The following GBF1 variants were observed in gnomAD, a reference collection of about 807,000 sequenced individuals.
GBF1 encodes Golgi-specific brefeldin A-resistance guanine nucleotide exchange factor 1.
Under a neutral mutation model 210.5 loss-of-function variants are expected in GBF1, and 114 were observed. The ratio of observed to expected loss-of-function variants is 0.54; its 90% confidence interval spans 0.47 to 0.63. The LOEUF (loss-of-function observed/expected upper bound fraction) is 0.63, where lower values mean the gene tolerates loss of function less well. GBF1 is among the 30% of genes least tolerant of loss of function. The pLI is 0.00. For missense variants in GBF1, 1,851 were observed against 2,357.7 expected, an observed-to-expected ratio of 0.79 and a Z score of 4.45; for synonymous variants, 850 against 889.2, an observed-to-expected ratio of 0.96 and a Z score of 0.78.
At chr10:102,303,037 G>A (rs1417795895) in intron 3 of GBF1, among the ~76,000 whole-genome samples, 3 of 148,980 alleles carry the variant, frequency 2.0e-5, no homozygotes, top group African/African-American at 5.0e-5. Flanking sequence ...GCCCAGGCTG[G>A]AGTGCAGTGG....
chr10:102,369,470 T>G (rs759908233), intron 24 of GBF1, 83 bp downstream of exon 24: 1 of 1,163,216 alleles, frequency 8.6e-7, no homozygotes, highest in Non-Finnish European at 1.3e-6. Flanking sequence ...AAGTAAGTGG[T>G]TGAGAGTAAT....
chr10:102,260,463 A>C (rs184116965), intron 3 of GBF1, among the ~76,000 whole-genome samples: 5 of 66,502 alleles, frequency 7.5e-5, no homozygotes, highest in South Asian at 3.9e-4. Flanking sequence ...CCTGGCCTAT[A>C]TTTTCCTTTC....
chr10:102,323,336 G>A (rs749275236), intron 3 of GBF1, among the ~76,000 whole-genome samples: 7 of 151,292 alleles, frequency 4.6e-5, no homozygotes, highest in Non-Finnish European at 7.4e-5. Context: ...TCTGCATTCC[G>A]TATGTCAAAG....
chr10:102,230,824 G>A, the GBF1 span: 1 of 1,574,340 alleles, frequency 6.4e-7, no homozygotes, highest in South Asian at 1.2e-5. Flanking sequence ...CGCGGCGGAG[G>A]GCACCATGGA....
At position 102,381,197 on chromosome 10, in the gene GBF1, C is replaced by A. The variant is rs1333807393; in HGVS notation, c.5244C>A (p.Asp1748Glu). The A allele has an allele frequency of 6.2e-7, 1 of 1,613,964 alleles. No individual in the cohort carries two copies. Among genetic ancestry groups the A allele is most frequent in the Non-Finnish European group, 8.5e-7 (1 of 1,179,932 alleles). The change falls in exon 39 of 40, where the codon GAC (aspartate) becomes GAA (glutamate). Residue 1748 changes from aspartate (D) to glutamate (E), a missense_variant. Around this residue, in one of 3 missense-constraint regions of GBF1, gnomAD observed 967 missense variants for 1,247.7 expected, o/e 0.78. Coordinates refer to ENST00000369983, the MANE Select transcript of GBF1 (RefSeq NM_001377137.1). ...CCCACCTGACTTCCGCTGCTGGCGA[C>A]ACTAGGACACCTGGCCATCCACCGC... ...ASAHLTSAAG[D>E]TRTPGHPPPP...
intron 29 of GBF1, among the ~76,000 whole-genome samples, chr10:102,373,280 A>C (rs369754267): frequency 1.4e-4 from 22 of 152,346 alleles, no homozygotes; most frequent in African/African-American, 5.3e-4. Context: ...TAACCATCAG[A>C]GTACTGCAAA....
chr10:102,359,405 G>A lies in GBF1; in HGVS notation c.1150G>A (p.Val384Met), dbSNP rs375568604. 9.9e-6 allele frequency: 16 copies of A among 1,613,684 alleles called. No individual in the cohort carries two copies. The highest frequency in any genetic ancestry group is 3.3e-4 in the Middle Eastern group (2 of 6,084). ...CATGGATTACGTCAATCCCCGGGGC[G>A]TGCGCTTTACACAGTCCTCCCAGAA... is the stretch of plus-strand genomic sequence containing the variant. ...HDMDYVNPRG[V>M]RFTQSSQKEG... is the part of the protein sequence containing the mutation. Residue 384 changes from valine (V) to methionine (M), a missense_variant, in exon 11 of 40, where the codon GTG becomes ATG. Transcript: ENST00000369983.
At chr10:102,303,779 CAA>C (rs745505926) in intron 3 of GBF1, among the ~76,000 whole-genome samples, 2 of 152,174 alleles carry the variant, frequency 1.3e-5, no homozygotes, top group Non-Finnish European at 2.9e-5. Flanking sequence ...TGATAAATCT[CAA>C]TATACAAAGC....
intron 3 of GBF1, among the ~76,000 whole-genome samples, chr10:102,298,530 C>T (rs890121217): frequency 1.3e-5 from 2 of 152,124 alleles, no homozygotes; most frequent in Non-Finnish European, 2.9e-5. Flanking sequence ...GGGACCATGC[C>T]TTCTAAATCT....
intron 3 of GBF1, among the ~76,000 whole-genome samples, chr10:102,311,316 C>T (rs955076980): frequency 5.3e-5 from 8 of 152,166 alleles, no homozygotes; most frequent in Non-Finnish European, 7.3e-5. Flanking sequence ...GAAAGGCTAA[C>T]GCGGCTGTGA....
At chr10:102,374,012 T>A (rs1439288509) in intron 29 of GBF1, among the ~76,000 whole-genome samples, 1 of 152,238 alleles carries the variant, frequency 6.6e-6, no homozygotes, top group Non-Finnish European at 1.5e-5. Flanking sequence ...TTATGTAATA[T>A]ATAATTCCAC....
chr10:102,258,927 A>G lies in GBF1; in HGVS notation c.-10-2A>G, dbSNP rs907454523. 1 of 1,460,288 alleles carries G rather than the reference A, an allele frequency of 6.8e-7. No homozygotes were observed. Among genetic ancestry groups the G allele is most frequent in the Non-Finnish European group, 9.6e-7 (1 of 1,039,470 alleles). The allele number at this position is 1,460,288 out of a possible 1,614,324, so 90.5% of individuals were successfully genotyped here. A position where few individuals can be genotyped will look rare whatever the true frequency, so the allele number is the denominator to read the frequency against. On this transcript the variant is annotated splice_acceptor_variant, in intron 1 of 39. Coordinates refer to ENST00000369983, the MANE Select transcript of GBF1 (RefSeq NM_001377137.1). LOFTEE classifies it low-confidence loss of function (5UTR_SPLICE). ...AGACTATTATCTTAACTGTTTTGGT[A>G]GGTTTGCCAAGATGGTGGATAAGAA... is the stretch of plus-strand genomic sequence containing the variant.
At chr10:102,333,579 C>T (rs1163158289) in intron 3 of GBF1, among the ~76,000 whole-genome samples, 5 of 151,720 alleles carry the variant, frequency 3.3e-5, no homozygotes, top group East Asian at 1.9e-4. Flanking sequence ...ACCACAGGTG[C>T]GCATGCCTGG....
chr10:102,359,998 T>G (rs2059504121), intron 11 of GBF1, among the ~76,000 whole-genome samples, 186 bp from the exon 12 acceptor site: 1 of 152,138 alleles, frequency 6.6e-6, no homozygotes, highest in Non-Finnish European at 1.5e-5. Flanking sequence ...ACTCCTGGCC[T>G]CAAACAGTCC....
chr10:102,372,210 C>CAA (rs879741884), intron 29 of GBF1, among the ~76,000 whole-genome samples: 46 of 117,684 alleles, frequency 3.9e-4, no homozygotes, highest in African/African-American at 1.2e-3. Context: ...GACTCCATCT[C>CAA]AAAAAAAAAA....
At position 102,308,201 on chromosome 10, in the gene GBF1, T is replaced by TAAAA. The variant is rs11440668; in HGVS notation, c.164-35835_164-35832dup. On this transcript the variant is annotated intron_variant, in intron 3 of 39. Transcript: ENST00000369983. ...TTATAGCAGTGTTGTTCACAGAAGC[T>TAAAA]AAAAAAAAAAAAAAAAAAGAGGAAA... Among the ~76,000 whole-genome samples the TAAAA allele has an allele frequency of 3.9e-3, 484 of 123,364 alleles. 3 individuals carry two copies. The highest frequency in any genetic ancestry group is 6.3e-3 in the East Asian group (27 of 4,264). 80.9% of individuals were successfully genotyped at this position (123,364 alleles called of 152,430 possible).
At chr10:102,342,573 C>T (rs2058274899) in intron 3 of GBF1, among the ~76,000 whole-genome samples, 1 of 151,902 alleles carries the variant, frequency 6.6e-6, no homozygotes, top group South Asian at 2.1e-4. Context: ...TTAATTAAAG[C>T]GTTAATCTGA....
chr10:102,358,668 A>C lies in GBF1; in HGVS notation c.950A>C (p.Tyr317Ser). The change falls in exon 10 of 40, where the codon TAC becomes TCC. Residue 317 changes from tyrosine to serine, a missense_variant. Around this residue, in one of 3 missense-constraint regions of GBF1, gnomAD observed 804 missense variants for 958.6 expected, o/e 0.84. Coordinates refer to ENST00000369983, the MANE Select transcript of GBF1 (RefSeq NM_001377137.1). ...CTAGAGCAACCTGGCTCTCCAGGGT[A>C]CAGCACAGCTACAGAGCCTGGAAGC... ...TDLEQPGSPG[Y>S]STATEPGSSE... The C allele has an allele frequency of 6.2e-7, 1 of 1,614,204 alleles. No homozygotes were observed. Among genetic ancestry groups the C allele is most frequent in the Non-Finnish European group, 8.5e-7 (1 of 1,179,992 alleles).
chr10:102,294,380 C>G (rs1589523995), intron 3 of GBF1, among the ~76,000 whole-genome samples: 2 of 133,194 alleles, frequency 1.5e-5, no homozygotes, highest in Non-Finnish European at 3.4e-5. Context: ...TCTTTTTTTT[C>G]TTTTTCTTTT....
Sources: gnomAD v4.1 joint callset for allele counts (sites outside exome capture counted in the v4.1 genomes callset) on GRCh38, gnomAD v4.1.1 for gene constraint, gnomAD v4.1.1 regional missense constraint, MANE v1.5 for transcripts, NCBI Gene and HGNC (gene_info 2026-07-23, HGNC 2026-07-21) for gene names.